Variants in RCOR3 observed in about 807,000 individuals in gnomAD.
RCOR3 encodes REST corepressor 3.
Under a neutral mutation model 64.1 loss-of-function variants are expected in RCOR3, and 13 were observed. The ratio of observed to expected loss-of-function variants is 0.20; its 90% CI spans 0.13 to 0.32. RCOR3 has a LOEUF of 0.32. RCOR3 is among the 10% of genes least tolerant of loss of function. The probability of loss-of-function intolerance (pLI) is 1.00; values close to 1 mark genes in which losing one functional copy is unlikely to be tolerated. For synonymous variants in RCOR3, 215 were observed against 239.0 expected, an observed-to-expected ratio of 0.90 and a Z score of 0.93; for missense variants, 489 against 701.2, an observed-to-expected ratio of 0.70 and a Z score of 3.42.
chr1:211,274,093 C>CT (rs5780634), intron 3 of RCOR3, 117 bp from the exon 4 acceptor site: 12 of 555,980 alleles, frequency 2.2e-5, no homozygotes, highest in African/African-American at 5.8e-5. Context: ...GTGCCTTTGG[C>CT]TTTTTTTTTT....
At chr1:211,308,690 T>TTG (rs1701162901) in intron 10 of RCOR3, among the ~76,000 whole-genome samples, 1 of 70,526 alleles carries the variant, frequency 1.4e-5, no homozygotes, top group South Asian at 5.7e-4. Context: ...TTTTGTTTTT[T>TTG]TTTTTTTTTG....
chr1:211,282,922 T>C (rs766427425), intron 7 of RCOR3, among the ~76,000 whole-genome samples: 30 of 152,240 alleles, frequency 2.0e-4, no homozygotes, highest in Non-Finnish European at 2.2e-4. Flanking sequence ...TGATTATCAT[T>C]TAGTTTCATT....
chr1:211,299,584 G>T (rs1245237110), intron 9 of RCOR3, among the ~76,000 whole-genome samples: 1 of 152,130 alleles, frequency 6.6e-6, no homozygotes, highest in East Asian at 1.9e-4. Flanking sequence ...TCAACTCAGA[G>T]ATAGTATGAA....
chr1:211,266,671 T>C (rs1314095793), intron 2 of RCOR3, among the ~76,000 whole-genome samples: 1 of 152,196 alleles, frequency 6.6e-6, no homozygotes, highest in South Asian at 2.1e-4. Flanking sequence ...TTTCTAAATA[T>C]CAGATAGTTT....
intron 9 of RCOR3, among the ~76,000 whole-genome samples, chr1:211,299,518 G>A (rs945555217): frequency 2.6e-5 from 4 of 152,120 alleles, no homozygotes; most frequent in African/African-American, 9.7e-5. Flanking sequence ...ATGGATGTTG[G>A]GTGGAATTTT....
chr1:211,260,723 C>T (rs944198920), intron 2 of RCOR3, among the ~76,000 whole-genome samples: 8 of 150,398 alleles, frequency 5.3e-5, no homozygotes, highest in Non-Finnish European at 1.2e-4. Flanking sequence ...CTGCGGAGTG[C>T]AGGAGCCGCG....
intron 7 of RCOR3, among the ~76,000 whole-genome samples, chr1:211,282,795 G>A (rs931042142): frequency 4.6e-5 from 7 of 152,072 alleles, no homozygotes; most frequent in Admixed American, 2.0e-4. Context: ...CACCGTGCCC[G>A]GCCTCAATTG....
rs1029558541 is a variant in RCOR3, at chr1:211,269,241, A to G, written c.224-1991A>G. 5.3e-5 allele frequency among the ~76,000 whole-genome samples: 8 copies of G among 152,234 alleles called. No individual in the cohort carries two copies. The South Asian group carries it at 1.7e-3, about 32-fold the overall frequency. ...CACTTTGGGAGGCTGAGGCGGGTGG[A>G]TCATCTGAGGTTGGGAGTTCGAGAC... is the stretch of plus-strand genomic sequence containing the variant. On this transcript the variant is annotated intron_variant, in intron 2 of 11. Transcript: ENST00000419091.
intron 10 of RCOR3, among the ~76,000 whole-genome samples, chr1:211,308,769 TG>T (rs34662424): frequency 0.5 from 71,010 of 142,824 alleles, 20,055 homozygotes; most frequent in East Asian, 0.63. Flanking sequence ...TGGAGCACAG[TG>T]TCAGTATCTC....
intron 8 of RCOR3, among the ~76,000 whole-genome samples, chr1:211,294,494 T>C (rs951612734): frequency 1.3e-5 from 2 of 152,206 alleles, no homozygotes; most frequent in Non-Finnish European, 2.9e-5. Flanking sequence ...TGAAGTTTTT[T>C]AATGTTGTGT....
At chr1:211,261,173 C>T (rs1468352763) in intron 2 of RCOR3, 1 of 151,976 alleles carries the variant, frequency 6.6e-6, no homozygotes, top group Non-Finnish European at 1.5e-5. Context: ...CATTGGATTT[C>T]TATGTTAGAT....
chr1:211,272,098 A>G (rs977158966), intron 3 of RCOR3, among the ~76,000 whole-genome samples: 1 of 152,200 alleles, frequency 6.6e-6, no homozygotes, highest in Non-Finnish European at 1.5e-5. Context: ...TATTGATGCA[A>G]TAGAGCTAAA....
In RCOR3 at chr1:211,314,418, G is replaced by A. The variant is rs1701762702; in HGVS notation, c.*650G>A. ...CAAAGCAATTATATAAAACCACAAA[G>A]AATGTACTGAACCTACTAACCCTTT... is the stretch of plus-strand genomic sequence containing the variant. On this transcript the variant is annotated 3_prime_UTR_variant, in exon 12 of 12. Transcript: ENST00000419091. 6.6e-6 allele frequency: 1 copy of A among 151,636 alleles called. No homozygotes were observed. Among genetic ancestry groups the A allele is most frequent in the African/African-American group, 2.4e-5 (1 of 41,226 alleles). The allele number at this position is 151,636 out of a possible 1,614,324, so 9.4% of individuals were successfully genotyped here. A position where few individuals can be genotyped will look rare whatever the true frequency, so the allele number is the denominator to read the frequency against.
chr1:211,269,718 C>T (rs1489304548), intron 2 of RCOR3, among the ~76,000 whole-genome samples: 2 of 152,122 alleles, frequency 1.3e-5, no homozygotes, highest in East Asian at 1.9e-4. Context: ...TCTACAGGCA[C>T]GTAACTTGGC....
intron 2 of RCOR3, among the ~76,000 whole-genome samples, chr1:211,265,508 A>G (rs1456098398): frequency 6.6e-6 from 1 of 152,206 alleles, no homozygotes; most frequent in Non-Finnish European, 1.5e-5. Context: ...CCTTGAGGTC[A>G]GGAGTTCAAG....
In RCOR3 at chr1:211,270,689, C is replaced by CT. The variant is rs150360349; in HGVS notation, c.224-537dup. ...AGATATGTAATGTACTGAAGAAAGT[C>CT]TTTTTTAGTTTAAAAGGGATAAACC... is the stretch of plus-strand genomic sequence containing the variant. On this transcript the variant is annotated intron_variant, in intron 2 of 11. Coordinates refer to ENST00000419091, the MANE Select transcript of RCOR3 (RefSeq NM_001136223.3). 9.0e-3 allele frequency among the ~76,000 whole-genome samples: 1,375 copies of CT among 152,122 alleles called. 16 individuals carry two copies. Among genetic ancestry groups the CT allele is most frequent in the African/African-American group, 0.031 (1,306 of 41,518 alleles).
chr1:211,272,612 C>CTTATTT (rs1696370268), intron 3 of RCOR3, among the ~76,000 whole-genome samples: 1 of 43,514 alleles, frequency 2.3e-5, no homozygotes, highest in Non-Finnish European at 3.8e-5. Context: ...GGATGTCTTA[C>CTTATTT]TTTTTTTTTT....
chr1:211,303,058 A>T (rs1057297640), intron 9 of RCOR3: 1 of 151,810 alleles, frequency 6.6e-6, no homozygotes, highest in South Asian at 2.1e-4. Flanking sequence ...CCTTATCACC[A>T]GGTTCCTAAC....
intron 2 of RCOR3, among the ~76,000 whole-genome samples, chr1:211,268,066 A>G (rs1695504967): frequency 6.6e-6 from 1 of 152,220 alleles, no homozygotes; most frequent in Non-Finnish European, 1.5e-5. Context: ...GACTTAATGG[A>G]AAACTTTCTT....
Sources: allele counts gnomAD v4.1 joint callset (sites outside exome capture counted in the v4.1 genomes callset), GRCh38; gene constraint gnomAD v4.1.1; transcripts MANE v1.5; gene names NCBI Gene and HGNC (gene_info 2026-07-23, HGNC 2026-07-21).